HSPA4: variants seen among roughly 807,000 people sequenced by gnomAD.
HSPA4 encodes heat shock 70 kDa protein 4.
In HSPA4, 25 loss-of-function variants were observed where a neutral mutation model predicts 106.2. The ratio of observed to expected loss-of-function variants is 0.24; its 90% CI spans 0.17 to 0.33. The LOEUF is 0.33. Ranked by LOEUF, HSPA4 falls within the 10% of genes least tolerant of loss-of-function variation. The pLI, the probability that HSPA4 is intolerant of heterozygous loss-of-function variation, is 1.00. For synonymous variants in HSPA4, 332 were observed against 333.6 expected (o/e 1.00, Z 0.05); for missense variants, 841 against 996.0 (o/e 0.84, Z 2.10).
chr5:133,075,165 GT>G (rs1466152435), intron 6 of HSPA4, among the ~76,000 whole-genome samples: 2 of 152,180 alleles, frequency 1.3e-5, no homozygotes, highest in Non-Finnish European at 2.9e-5. Context: ...AAGAAAGCGA[GT>G]CTTTTAGATA....
At chr5:133,065,383 A>AG (rs1765294656) in intron 2 of HSPA4, among the ~76,000 whole-genome samples, 1 of 152,230 alleles carries the variant, frequency 6.6e-6, no homozygotes, top group African/African-American at 2.4e-5. Context: ...GGTATACAGG[A>AG]GGATGTGCAT....
intron 12 of HSPA4, among the ~76,000 whole-genome samples, chr5:133,092,482 GC>G (rs1765658099): frequency 6.6e-6 from 1 of 152,172 alleles, no homozygotes; most frequent in Non-Finnish European, 1.5e-5. Context: ...TAAGGGTAGG[GC>G]AGGGCGAGTG....
intron 1 of HSPA4, among the ~76,000 whole-genome samples, chr5:133,064,362 T>C (rs1254963204): frequency 6.6e-6 from 1 of 152,106 alleles, no homozygotes; most frequent in Non-Finnish European, 1.5e-5. Flanking sequence ...AAAAATTAGC[T>C]GGGCGTGATG....
chr5:133,055,992 C>T (rs139302776), intron 1 of HSPA4, among the ~76,000 whole-genome samples: 1,801 of 152,230 alleles, frequency 0.012, 36 homozygotes, highest in African/African-American at 0.04. Flanking sequence ...GCAGAAGAAT[C>T]GCTTGAACCT....
intron 5 of HSPA4, 100 bp from the exon 6 acceptor site, chr5:133,073,893 T>C (rs1475342762): frequency 6.1e-6 from 4 of 657,466 alleles, no homozygotes; most frequent in Non-Finnish European, 7.2e-6. Context: ...ACATAACACA[T>C]GTAGTTGCAT....
chr5:133,090,050 A>G (rs1024236334), intron 11 of HSPA4, among the ~76,000 whole-genome samples: 1 of 152,188 alleles, frequency 6.6e-6, no homozygotes, highest in African/African-American at 2.4e-5. Flanking sequence ...GTTAGCGCAC[A>G]TTGTAATTAT....
At chr5:133,078,141 G>A (rs1177949018) in intron 7 of HSPA4, among the ~76,000 whole-genome samples, 1 of 151,208 alleles carries the variant, frequency 6.6e-6, no homozygotes, top group Non-Finnish European at 1.5e-5. Context: ...GACCATCCTG[G>A]CTAACATGGT....
Position 133,089,595 on chromosome 5 carries a change from T to C in HSPA4, c.1278T>C (p.Ala426=). ...AAGTCTTTTCCAAAAATCATGCTGC[T>C]CCTTTCTCTAAAGTTCTTACATTTT... ...DCEVFSKNHA[A]PFSKVLTFYR... is the part of the protein sequence containing the mutation. The change falls in exon 11 of 19, where the codon GCT becomes GCC. Residue 426 remains alanine (A), a synonymous_variant. Transcript: ENST00000304858. 3 of 1,613,392 alleles carry C rather than the reference T, an allele frequency of 1.9e-6. No individual in the cohort carries two copies. The highest frequency in any genetic ancestry group is 2.2e-5 in the South Asian group (2 of 91,046).
chr5:133,068,762 TAAGAAATA>T (rs769370665), intron 3 of HSPA4, among the ~76,000 whole-genome samples: 13 of 151,398 alleles, frequency 8.6e-5, no homozygotes, highest in Non-Finnish European at 1.5e-4. Context: ...TTATTAGAAA[TAAGAAATA>T]AAGAAATAGG....
At chr5:133,062,546 C>CA (rs1765257031) in intron 1 of HSPA4, among the ~76,000 whole-genome samples, 1 of 152,078 alleles carries the variant, frequency 6.6e-6, no homozygotes, top group Admixed American at 6.6e-5. Context: ...AGAGGAGAGA[C>CA]ATTTACGTGG....
At chr5:133,078,547 A>G (rs1027765311) in intron 7 of HSPA4, among the ~76,000 whole-genome samples, 6 of 149,398 alleles carry the variant, frequency 4.0e-5, no homozygotes, top group African/African-American at 1.5e-4. Context: ...AGGCAGGAGA[A>G]TCGCTTGAAC....
intron 7 of HSPA4, among the ~76,000 whole-genome samples, chr5:133,085,363 A>G (rs1311051507): frequency 2.6e-5 from 4 of 151,924 alleles, no homozygotes; most frequent in Admixed American, 6.6e-5. Flanking sequence ...AGGCAAAACT[A>G]TGCAGACGAC....
At chr5:133,061,659 G>A (rs55747751) in intron 1 of HSPA4, among the ~76,000 whole-genome samples, 6,839 of 151,442 alleles carry the variant, frequency 0.045, 224 homozygotes, top group Non-Finnish European at 0.075. Flanking sequence ...TTGCTCTCTT[G>A]CCCAGGCTGG....
chr5:133,064,974 T>G lies in HSPA4; in HGVS notation c.108-6T>G, dbSNP rs760369966. 1 of 1,613,416 alleles carries G rather than the reference T, an allele frequency of 6.2e-7. No homozygotes were observed. Among genetic ancestry groups the G allele is most frequent in the South Asian group, 1.1e-5 (1 of 91,014 alleles). On this transcript the variant is annotated splice_region_variant and splice_polypyrimidine_tract_variant and intron_variant, in intron 1 of 18. Transcript: ENST00000304858. Reference sequence around the variant, plus strand: ...TTAATTCTTAAGTGCTTTTTTTGTCTTCTAGGGCTTGCATTTCTTTTGGTC... The same window carrying G: ...TTAATTCTTAAGTGCTTTTTTTGTCGTCTAGGGCTTGCATTTCTTTTGGTC...
intron 1 of HSPA4, among the ~76,000 whole-genome samples, chr5:133,053,748 C>G (rs565952103): frequency 6.6e-6 from 1 of 152,002 alleles, no homozygotes; most frequent in African/African-American, 2.4e-5. Context: ...CAACCTCGGC[C>G]TCTGGGGTTC....
At chr5:133,052,390 G>T (rs1451647711) in intron 1 of HSPA4, 33 bp downstream of exon 1, 2 of 1,338,794 alleles carry the variant, frequency 1.5e-6, no homozygotes, top group Non-Finnish European at 2.0e-6. Flanking sequence ...GCGTGCACTG[G>T]GGTTAGGAGA....
intron 1 of HSPA4, 72 bp downstream of exon 1, chr5:133,052,429 C>T: frequency 9.3e-7 from 1 of 1,069,868 alleles, no homozygotes; most frequent in Non-Finnish European, 1.3e-6. Flanking sequence ...GGGACCCTCG[C>T]TGCTTGGGGA....
chr5:133,085,129 C>A (rs971017288), intron 7 of HSPA4, among the ~76,000 whole-genome samples: 1 of 151,152 alleles, frequency 6.6e-6, no homozygotes, highest in Non-Finnish European at 1.5e-5. Context: ...TATAATTCAG[C>A]GATTTAAAAA....
intron 16 of HSPA4, among the ~76,000 whole-genome samples, chr5:133,100,104 C>T (rs1276976942): frequency 6.6e-6 from 1 of 151,820 alleles, no homozygotes; most frequent in Non-Finnish European, 1.5e-5. Flanking sequence ...TGCTCTGTTG[C>T]CCAGGCTGGA....
Sources: allele counts gnomAD v4.1 joint callset (sites outside exome capture counted in the v4.1 genomes callset), GRCh38; gene constraint gnomAD v4.1.1; transcripts MANE v1.5; gene names NCBI Gene and HGNC (gene_info 2026-07-23, HGNC 2026-07-21).